The following SDK1 variants were observed in gnomAD, a reference collection of about 807,000 sequenced individuals.
The protein encoded by SDK1 is sidekick cell adhesion molecule 1, also known as protein sidekick-1.
Under a neutral mutation model 245.5 loss-of-function variants are expected in SDK1, and 157 were observed. That is an observed-to-expected ratio of 0.64 (90% confidence interval 0.56 to 0.73). The LOEUF (loss-of-function observed/expected upper bound fraction) is 0.73, where lower values mean the gene tolerates loss of function less well. SDK1 is among the 30% of genes least tolerant of loss of function. The pLI is 0.00. For synonymous variants in SDK1, 1,647 were observed against 1,278.5 expected, an observed-to-expected ratio of 1.29 and a Z score of -6.15; for missense variants, 3,583 against 3,002.3, an observed-to-expected ratio of 1.19 and a Z score of -4.52.
At chr7:4,054,682 C>T (rs891098499) in intron 19 of SDK1, among the ~76,000 whole-genome samples, 2 of 152,090 alleles carry the variant, frequency 1.3e-5, no homozygotes, top group Non-Finnish European at 2.9e-5. Flanking sequence ...AGTGATGAGA[C>T]CAGACATCCT....
intron 5 of SDK1, among the ~76,000 whole-genome samples, chr7:3,861,175 A>G (rs980212675): frequency 6.6e-6 from 1 of 152,224 alleles, no homozygotes; most frequent in Non-Finnish European, 1.5e-5. Context: ...AACTGGAAAC[A>G]GTTGTAATGT....
chr7:3,614,948 C>T (rs1781721144), intron 1 of SDK1, among the ~76,000 whole-genome samples: 3 of 151,234 alleles, frequency 2.0e-5, no homozygotes, highest in Non-Finnish European at 3.0e-5. Flanking sequence ...CAGTATCCAG[C>T]CTTATAATTT....
intron 1 of SDK1, among the ~76,000 whole-genome samples, chr7:3,438,849 A>AT (rs527596036): frequency 0.12 from 15,228 of 130,748 alleles, 1,481 homozygotes; most frequent in African/African-American, 0.24. Context: ...TTGTATTAAT[A>AT]TTTTTTTTTT....
At chr7:3,495,216 G>A (rs1004206909) in intron 1 of SDK1, among the ~76,000 whole-genome samples, 1 of 149,424 alleles carries the variant, frequency 6.7e-6, no homozygotes, top group South Asian at 2.1e-4. Context: ...TTTCAGCGAG[G>A]CCCCTTTCTG....
intron 1 of SDK1, among the ~76,000 whole-genome samples, chr7:3,429,496 C>T (rs1010863078): frequency 1.9e-4 from 29 of 151,898 alleles, no homozygotes; most frequent in Non-Finnish European, 4.0e-4. Context: ...GAGTGCATCT[C>T]TCATTTTTGA....
At chr7:3,915,406 A>G (rs1425995870) in intron 5 of SDK1, among the ~76,000 whole-genome samples, 2 of 152,128 alleles carry the variant, frequency 1.3e-5, no homozygotes, top group African/African-American at 4.8e-5. Context: ...GTGGGGAGGT[A>G]ATTGAATCAT....
At chr7:4,123,366 T>G (rs1784189109) in intron 25 of SDK1, among the ~76,000 whole-genome samples, 1 of 152,178 alleles carries the variant, frequency 6.6e-6, no homozygotes, top group Non-Finnish European at 1.5e-5. Context: ...TAGCTCATAG[T>G]TGATTCAAGG....
chr7:3,643,867 T>G (rs1397869039), intron 4 of SDK1: 7 of 148,456 alleles, frequency 4.7e-5, no homozygotes, highest in African/African-American at 1.5e-4. Flanking sequence ...ATAATAATAA[T>G]TATTATTATT....
At chr7:3,834,465 G>A (rs372112443) in intron 5 of SDK1, among the ~76,000 whole-genome samples, 245 of 152,308 alleles carry the variant, frequency 1.6e-3, no homozygotes, top group African/African-American at 5.5e-3. Flanking sequence ...TTCTGCTTCC[G>A]ATGCTGGAAC....
intron 40 of SDK1, among the ~76,000 whole-genome samples, chr7:4,232,427 T>TG (rs1785853024): frequency 7.0e-6 from 1 of 143,652 alleles, no homozygotes; most frequent in Non-Finnish European, 1.5e-5. Context: ...TTTTTTTTTT[T>TG]GTTATAATGT....
chr7:3,660,519 A>G (rs1174027209), intron 4 of SDK1, among the ~76,000 whole-genome samples: 4 of 152,194 alleles, frequency 2.6e-5, no homozygotes, highest in Non-Finnish European at 5.9e-5. Context: ...CTATCTTTCC[A>G]TATCTTTTGT....
chr7:3,890,128 G>T (rs1781425134), intron 5 of SDK1, among the ~76,000 whole-genome samples: 1 of 152,202 alleles, frequency 6.6e-6, no homozygotes, highest in Non-Finnish European at 1.5e-5. Context: ...TCAGAGTCCT[G>T]CAGACAGTTG....
intron 1 of SDK1, among the ~76,000 whole-genome samples, chr7:3,309,795 C>T (rs1779507305): frequency 6.6e-6 from 1 of 152,092 alleles, no homozygotes. Context: ...TATTTGCCGG[C>T]CAAAGGTATT....
chr7:3,840,560 TC>T (rs1323196698), intron 5 of SDK1, among the ~76,000 whole-genome samples: 1 of 152,190 alleles, frequency 6.6e-6, no homozygotes, highest in African/African-American at 2.4e-5. Flanking sequence ...ATGTCAGCCC[TC>T]CTGAATCAAA....
chr7:3,564,468 G>A (rs900517381), intron 1 of SDK1, among the ~76,000 whole-genome samples: 10 of 151,892 alleles, frequency 6.6e-5, no homozygotes, highest in African/African-American at 1.7e-4. Flanking sequence ...CATCTTGGGT[G>A]ACAGAGGGAG....
intron 5 of SDK1, among the ~76,000 whole-genome samples, chr7:3,841,503 G>A (rs1780156509): frequency 6.6e-6 from 1 of 152,120 alleles, no homozygotes; most frequent in Non-Finnish European, 1.5e-5. Context: ...TAGACACTGA[G>A]CTCCAGGTGG....
chr7:4,084,947 G>C (rs1781338605), intron 22 of SDK1, among the ~76,000 whole-genome samples: 1 of 151,990 alleles, frequency 6.6e-6, no homozygotes, highest in Non-Finnish European at 1.5e-5. Flanking sequence ...ATTTTTAGTA[G>C]AGATGGGGTT....
intron 17 of SDK1, among the ~76,000 whole-genome samples, chr7:4,047,254 T>C (rs954908394): frequency 1.3e-4 from 20 of 152,230 alleles, no homozygotes; most frequent in African/African-American, 4.6e-4. Context: ...AAGATGTTCA[T>C]ATGTTTTTCT....
intron 5 of SDK1, among the ~76,000 whole-genome samples, chr7:3,946,341 C>T (rs887629762): frequency 2.6e-5 from 4 of 152,054 alleles, no homozygotes; most frequent in Non-Finnish European, 5.9e-5. Flanking sequence ...CTAAACCTGG[C>T]TAATAAAAAA....
Sources: allele counts gnomAD v4.1 joint callset (sites outside exome capture counted in the v4.1 genomes callset), GRCh38; gene constraint gnomAD v4.1.1; transcripts MANE v1.5; gene names NCBI Gene and HGNC (gene_info 2026-07-23, HGNC 2026-07-21).